The following OTOF variants were observed in gnomAD, a reference collection of about 807,000 sequenced individuals.
OTOF encodes the protein otoferlin.
A neutral mutation model predicts 236.8 loss-of-function variants in OTOF; 218 were observed. The observed-to-expected ratio is 0.92, with a 90% CI of 0.82 to 1.03. OTOF has a LOEUF of 1.03. OTOF is among the 50% of genes least tolerant of loss of function. The pLI, the probability that OTOF is intolerant of heterozygous loss-of-function variation, is 0.00. For missense variants in OTOF, 2,590 were observed against 2,694.4 expected, an observed-to-expected ratio of 0.96 and a Z score of 0.86; for synonymous variants, 1,041 against 1,072.5, an observed-to-expected ratio of 0.97 and a Z score of 0.57.
chr2:26,474,222 G>A (rs1448889446), intron 26 of OTOF, 112 bp from the exon 27 acceptor site: 33 of 1,445,690 alleles, frequency 2.3e-5, no homozygotes, highest in South Asian at 9.9e-5. Context: ...TAAGGACCAC[G>A]CCCCCAGCTT....
chr2:26,545,477 G>C (rs1667309187), intron 1 of OTOF, among the ~76,000 whole-genome samples: 1 of 152,022 alleles, frequency 6.6e-6, no homozygotes, highest in Admixed American at 6.6e-5. Context: ...TCTTAAATGT[G>C]ATTTTTTTAT....
chr2:26,537,777 G>C lies in OTOF; in HGVS notation c.80-3C>G. The C allele has an allele frequency of 6.4e-7, 1 of 1,551,954 alleles. No homozygotes were observed. The highest frequency in any genetic ancestry group is 1.4e-5 in the African/African-American group (1 of 73,180). ...GACCCGAGAGTAGAAGGATTGCCCTGTGGGGAAAGAGGAAATAAATTCTAG... is the reference window on the plus strand; with the variant it reads ...GACCCGAGAGTAGAAGGATTGCCCTCTGGGGAAAGAGGAAATAAATTCTAG... On this transcript the variant is annotated splice_polypyrimidine_tract_variant and splice_region_variant and intron_variant, in intron 1 of 46. Coordinates refer to ENST00000272371, the MANE Select transcript of OTOF (RefSeq NM_194248.3).
intron 1 of OTOF, among the ~76,000 whole-genome samples, chr2:26,546,290 G>C (rs576761791): frequency 6.6e-6 from 1 of 151,954 alleles, no homozygotes. Context: ...GTGAAACCTC[G>C]TCTCTACTGA....
At chr2:26,484,282 T>C (rs77126038) in intron 12 of OTOF, among the ~76,000 whole-genome samples, 192 bp downstream of exon 12, 4,666 of 152,340 alleles carry the variant, frequency 0.031, 101 homozygotes, top group South Asian at 0.05. Context: ...GTCAAAGGAC[T>C]GATATTCTCA....
intron 1 of OTOF, among the ~76,000 whole-genome samples, chr2:26,557,256 C>T (rs1426273237): frequency 1.3e-5 from 2 of 152,208 alleles, no homozygotes; most frequent in Admixed American, 6.5e-5. Context: ...GGCCCCAAGG[C>T]TCACTTTGCT....
intron 7 of OTOF, among the ~76,000 whole-genome samples, chr2:26,502,078 G>A (rs935117276): frequency 6.6e-6 from 1 of 152,322 alleles, no homozygotes; most frequent in Non-Finnish European, 1.5e-5. Flanking sequence ...GGGCTGGGAG[G>A]TATTCAAGGA....
Position 26,473,341 on chromosome 2 carries a change from G to A in OTOF, c.3571-47C>T, listed in dbSNP as rs746016654. On this transcript the variant is annotated intron_variant, in intron 28 of 46. Transcript: ENST00000272371. The surrounding 1 kb of genome is among the most constrained non-coding windows in gnomAD (Gnocchi z 7.2). The stretch of plus-strand genomic sequence containing the variant: ...CCTGAGCCTCCAAGAAGGGGCAGAG[G>A]AAGCCGGCTGGCTGAGTGGAGCCAC... 19 of 1,613,004 alleles carry A rather than the reference G, an allele frequency of 1.2e-5. No homozygotes were observed. In the South Asian group the frequency reaches 1.6e-4, roughly 14 times the overall value.
At chr2:26,516,631 G>A (rs1198196128) in intron 4 of OTOF, 32 bp from the exon 5 acceptor site, 1 of 1,598,298 alleles carries the variant, frequency 6.3e-7, no homozygotes, top group East Asian at 2.2e-5. Flanking sequence ...TGAGCAGCTG[G>A]GATGGTGACA....
rs151224741 is a variant in OTOF, at chr2:26,483,745, A to G, written c.1206-97T>C. ...CTCCTGGGTCCTGGCACAGTCTCTA[A>G]GGGACAGCTGAGGGAGCAAGGCTAG... On this transcript the variant is annotated intron_variant, in intron 12 of 46. Transcript: ENST00000272371. The G allele has an allele frequency of 7.0e-4, 779 of 1,109,592 alleles. No individual in the cohort carries two copies. The African/African-American group carries it at 9.1e-3, about 13-fold the overall frequency. The allele number at this position is 1,109,592 out of a possible 1,614,324, so 68.7% of individuals were successfully genotyped here.
chr2:26,546,061 G>T (rs558206545), intron 1 of OTOF, among the ~76,000 whole-genome samples: 2 of 152,244 alleles, frequency 1.3e-5, no homozygotes, highest in Non-Finnish European at 2.9e-5. Context: ...AAGCCTTAAT[G>T]ATAACATAAA....
chr2:26,553,236 C>T (rs1423687409), intron 1 of OTOF, among the ~76,000 whole-genome samples: 3 of 152,188 alleles, frequency 2.0e-5, no homozygotes, highest in Non-Finnish European at 4.4e-5. Context: ...ATAGCCTCTG[C>T]TCCAGCTACA....
At chr2:26,502,229 C>T (rs1229158975) in intron 7 of OTOF, 71 bp downstream of exon 7, 6 of 1,569,312 alleles carry the variant, frequency 3.8e-6, no homozygotes, top group Non-Finnish European at 5.3e-6. Flanking sequence ...ACCCAAATTC[C>T]AATCATGGCA....
At chr2:26,459,985 G>C in intron 46 of OTOF, 23 bp downstream of exon 46, 1 of 1,552,208 alleles carries the variant, frequency 6.4e-7, no homozygotes, top group Non-Finnish European at 8.7e-7. Context: ...TTGGTCCAGA[G>C]GAAGAAGTAA....
chr2:26,471,243 G>T, intron 30 of OTOF, 93 bp from the exon 31 acceptor site: 1 of 1,441,226 alleles, frequency 6.9e-7, no homozygotes, highest in Non-Finnish European at 9.8e-7. Context: ...GAGGAGCCGA[G>T]ATGGAAATTA....
At chr2:26,516,737 C>A in intron 4 of OTOF, 138 bp from the exon 5 acceptor site, 1 of 873,510 alleles carries the variant, frequency 1.1e-6, no homozygotes, top group East Asian at 2.6e-5. Context: ...GTATGATCCC[C>A]TCTGCCCCAT....
At position 26,516,475 on chromosome 2, in the gene OTOF, C is replaced by G. The variant is rs369399830; in HGVS notation, c.452G>C (p.Gly151Ala). The change falls in exon 5 of 47, where the codon GGA becomes GCA. Residue 151 changes from glycine to alanine, a missense_variant. Transcript: ENST00000272371. ...GCTGGGCCGGGAGCCTGGGAGCAGT[C>G]CATCCGTCTCTTGGCTGTCCTTCTC... is the stretch of plus-strand genomic sequence containing the variant. ...EEEKDSQETD[G>A]LLPGSRPSSR... 6.2e-6 allele frequency: 10 copies of G among 1,613,806 alleles called. No homozygotes were observed. The highest frequency in any genetic ancestry group is 8.5e-6 in the Non-Finnish European group (10 of 1,180,018).
chr2:26,478,690 GTTTTA>G (rs72297334), intron 18 of OTOF, among the ~76,000 whole-genome samples: 88,038 of 150,600 alleles, frequency 0.58, 27,594 homozygotes, highest in East Asian at 0.98. Flanking sequence ...TTTTTATTTT[GTTTTA>G]TTTTATTTTA....
At chr2:26,493,262 A>C (rs1665892050) in intron 9 of OTOF, among the ~76,000 whole-genome samples, 1 of 152,094 alleles carries the variant, frequency 6.6e-6, no homozygotes, top group Admixed American at 6.5e-5. Context: ...GCTGAAGGGC[A>C]GAGGTGGGCC....
chr2:26,468,417 T>C lies in OTOF; in HGVS notation c.4081A>G (p.Asn1361Asp). 1.9e-6 allele frequency: 3 copies of C among 1,613,842 alleles called. No individual in the cohort carries two copies. Among genetic ancestry groups the C allele is most frequent in the Non-Finnish European group, 2.5e-6 (3 of 1,179,756 alleles). Residue 1361 changes from asparagine to aspartate, a missense_variant, in exon 33 of 47, where the codon AAT (asparagine) becomes GAT (aspartate). Physicochemically the swap from Asn to Asp is conservative, Grantham distance 23. Transcript: ENST00000272371. ...AGGTTCCAGGGCTCACCCTCGGTAT[T>C]GTCCACTTCCTCCTTCTCCTCCAAG... ...IDLEEKEEVD[N>D]TEGLKGSMKG...
Sources: allele counts gnomAD v4.1 joint callset (sites outside exome capture counted in the v4.1 genomes callset), GRCh38; gene constraint gnomAD v4.1.1; non-coding constraint Gnocchi (gnomAD v3.1); transcripts MANE v1.5; gene names NCBI Gene and HGNC (gene_info 2026-07-23, HGNC 2026-07-21).